Variants in DLG2 observed in about 807,000 individuals in gnomAD.
DLG2 encodes the protein disks large homolog 2.
Under a neutral mutation model 132.5 loss-of-function variants are expected in DLG2, and 45 were observed. That is an observed-to-expected ratio of 0.34 (90% CI 0.27 to 0.44). The LOEUF (loss-of-function observed/expected upper bound fraction) is 0.44, where lower values mean the gene tolerates loss of function less well. Among genes scored for constraint, DLG2 ranks in the 20% least tolerant of loss-of-function variants. DLG2 has a pLI of 1.00. For synonymous variants in DLG2, 424 were observed against 419.6 expected, an observed-to-expected ratio of 1.01 and a Z score of -0.13; for missense variants, 1,045 against 1,196.9, an observed-to-expected ratio of 0.87 and a Z score of 1.87.
intron 6 of DLG2, among the ~76,000 whole-genome samples, chr11:84,661,934 CAG>C (rs1219407851): frequency 6.6e-6 from 1 of 152,136 alleles, no homozygotes; most frequent in Non-Finnish European, 1.5e-5. Context: ...GGTAACAAGA[CAG>C]GGAGTAAAAT....
chr11:84,239,066 C>T (rs1443452860), intron 8 of DLG2, among the ~76,000 whole-genome samples: 2 of 152,066 alleles, frequency 1.3e-5, no homozygotes, highest in Non-Finnish European at 2.9e-5. Flanking sequence ...AAAATTCACT[C>T]TATTAAAACA....
At chr11:85,122,977 T>TATATATATATA (rs57637613) in intron 5 of DLG2, among the ~76,000 whole-genome samples, 1 of 63,668 alleles carries the variant, frequency 1.6e-5, no homozygotes, top group Non-Finnish European at 2.8e-5. Flanking sequence ...ATATTTTTTT[T>TATATATATATA]TTTTTTTTTT....
At chr11:84,367,967 A>T (rs2098690945) in intron 7 of DLG2, among the ~76,000 whole-genome samples, 1 of 152,142 alleles carries the variant, frequency 6.6e-6, no homozygotes, top group Admixed American at 6.6e-5. Context: ...ACATCTCTTT[A>T]TTTATACTTA....
intron 3 of DLG2, among the ~76,000 whole-genome samples, chr11:85,419,375 C>A (rs1017599784): frequency 1.3e-5 from 2 of 152,188 alleles, no homozygotes; most frequent in African/African-American, 4.8e-5. Context: ...TTCATTTCAA[C>A]CTTAATAAAT....
intron 6 of DLG2, chr11:84,923,128 TA>T: frequency 6.2e-7 from 1 of 1,613,560 alleles, no homozygotes; most frequent in Non-Finnish European, 8.5e-7. Flanking sequence ...TTGCAGTAAA[TA>T]AGGAGCATAT....
chr11:84,802,035 C>T (rs17147579), intron 6 of DLG2, among the ~76,000 whole-genome samples: 3,671 of 150,442 alleles, frequency 0.024, 163 homozygotes, highest in African/African-American at 0.086. Context: ...GTCATTAACT[C>T]TTTCCATAAT....
At chr11:84,360,547 C>G (rs1429114605) in intron 7 of DLG2, among the ~76,000 whole-genome samples, 1 of 151,926 alleles carries the variant, frequency 6.6e-6, no homozygotes, top group African/African-American at 2.4e-5. Flanking sequence ...CACAATTGCC[C>G]CAGCTTACTG....
chr11:83,824,226 G>A (rs1020010804), intron 17 of DLG2, among the ~76,000 whole-genome samples: 1 of 152,120 alleles, frequency 6.6e-6, no homozygotes, highest in Non-Finnish European at 1.5e-5. Flanking sequence ...TCTTTGTTGG[G>A]AAGTTTCCCC....
intron 16 of DLG2, among the ~76,000 whole-genome samples, chr11:83,854,052 C>CA (rs2154032385): frequency 6.6e-6 from 1 of 152,030 alleles, no homozygotes; most frequent in African/African-American, 2.4e-5. Flanking sequence ...AGGATTAGTA[C>CA]AAAAAAGCCA....
Position 85,358,254 on chromosome 11 carries a change from T to C in DLG2, c.41-72889A>G, listed in dbSNP as rs188299486. On this transcript the variant is annotated intron_variant, in intron 3 of 27. Transcript: ENST00000376104. Reference sequence around the variant, plus strand: ...GAAGTAGATACTGGGATTTTTCACTTCAATTACATGGTGTTCATATTTTGA... The same window carrying C: ...GAAGTAGATACTGGGATTTTTCACTCCAATTACATGGTGTTCATATTTTGA... 7.0e-4 allele frequency among the ~76,000 whole-genome samples: 106 copies of C among 152,282 alleles called. 1 individual carries two copies. Among genetic ancestry groups the C allele is most frequent in the Non-Finnish European group, 1.5e-4 (10 of 68,016 alleles).
chr11:84,831,065 A>G (rs913370781), intron 6 of DLG2, among the ~76,000 whole-genome samples: 2 of 150,302 alleles, frequency 1.3e-5, no homozygotes, highest in South Asian at 4.2e-4. Context: ...GATCTCCTAA[A>G]AAAAACTGTT....
At chr11:84,839,362 G>A (rs1397789425) in intron 6 of DLG2, among the ~76,000 whole-genome samples, 2 of 151,934 alleles carry the variant, frequency 1.3e-5, no homozygotes, top group Non-Finnish European at 2.9e-5. Flanking sequence ...ACAAATGGAA[G>A]AACATTCCAT....
At chr11:84,505,011 A>C (rs2099234723) in intron 7 of DLG2, among the ~76,000 whole-genome samples, 1 of 152,134 alleles carries the variant, frequency 6.6e-6, no homozygotes, top group Non-Finnish European at 1.5e-5. Flanking sequence ...CTTTTACGTC[A>C]AATTAGTTCA....
intron 7 of DLG2, among the ~76,000 whole-genome samples, chr11:84,265,134 T>C (rs772520187): frequency 6.6e-6 from 1 of 152,208 alleles, no homozygotes; most frequent in African/African-American, 2.4e-5. Flanking sequence ...CATGTATAGA[T>C]GTTAAAAGTT....
At chr11:84,926,475 A>C (rs1247542549) in intron 6 of DLG2, among the ~76,000 whole-genome samples, 1 of 151,962 alleles carries the variant, frequency 6.6e-6, no homozygotes, top group African/African-American at 2.4e-5. Flanking sequence ...CTTATGTGGA[A>C]AGATGTCCAA....
At chr11:85,309,840 G>A (rs2080202528) in intron 3 of DLG2, among the ~76,000 whole-genome samples, 1 of 152,090 alleles carries the variant, frequency 6.6e-6, no homozygotes. Context: ...CCCTTGTTCT[G>A]TGTTTTGTGT....
At chr11:84,585,373 T>C (rs565244943) in intron 6 of DLG2, among the ~76,000 whole-genome samples, 1 of 152,292 alleles carries the variant, frequency 6.6e-6, no homozygotes, top group Non-Finnish European at 1.5e-5. Context: ...GTTTAGCCGA[T>C]ATGCTTATCT....
chr11:85,604,665 G>A (rs2080400966), intron 2 of DLG2, among the ~76,000 whole-genome samples: 1 of 151,944 alleles, frequency 6.6e-6, no homozygotes, highest in South Asian at 2.1e-4. Context: ...GATTACTTGA[G>A]GGCAGGCACA....
At chr11:83,711,270 AGATGCTAT>A (rs1466065504) in intron 18 of DLG2, among the ~76,000 whole-genome samples, 1 of 152,232 alleles carries the variant, frequency 6.6e-6, no homozygotes, top group East Asian at 1.9e-4. Context: ...TAGGGTGTAT[AGATGCTAT>A]GACCACTCTG....
Sources: allele counts gnomAD v4.1 joint callset (sites outside exome capture counted in the v4.1 genomes callset), GRCh38; gene constraint gnomAD v4.1.1; transcripts MANE v1.5; gene names NCBI Gene and HGNC (gene_info 2026-07-23, HGNC 2026-07-21).